ATP2C1: variants seen among roughly 807,000 people sequenced by gnomAD.
The protein encoded by ATP2C1 is calcium-transporting ATPase type 2C member 1.
ATP2C1 carries 31 observed loss-of-function variants against 120.5 expected under a neutral mutation model. The ratio of observed to expected loss-of-function variants is 0.26; its 90% confidence interval spans 0.19 to 0.35. ATP2C1 has a LOEUF of 0.35. Ranked by LOEUF, ATP2C1 falls within the 10% of genes least tolerant of loss-of-function variation. The pLI is 1.00. For missense variants in ATP2C1, 731 were observed against 1,107.5 expected (o/e 0.66, Z 4.83); for synonymous variants, 351 against 358.7 (o/e 0.98, Z 0.24).
chr3:130,871,092 A>G (rs2068414105), intron 1 of ATP2C1, among the ~76,000 whole-genome samples: 1 of 152,216 alleles, frequency 6.6e-6, no homozygotes, highest in Non-Finnish European at 1.5e-5. Flanking sequence ...GTATTTTTTA[A>G]CTAAGGTATA....
downstream of ATP2C1, among the ~76,000 whole-genome samples, chr3:131,003,718 G>A (rs572423411): frequency 6.6e-6 from 1 of 152,176 alleles, no homozygotes; most frequent in South Asian, 2.1e-4. Flanking sequence ...ACAAGAATAA[G>A]ACACATTATT....
At chr3:130,919,863 T>G (rs1576715353) in intron 2 of ATP2C1, among the ~76,000 whole-genome samples, 1 of 152,206 alleles carries the variant, frequency 6.6e-6, no homozygotes, top group Non-Finnish European at 1.5e-5. Context: ...TTTTGTTTTG[T>G]TTTGGTTTTT....
At chr3:130,990,272 A>ACCCCCC (rs71306204) in intron 20 of ATP2C1, among the ~76,000 whole-genome samples, 4 of 102,072 alleles carry the variant, frequency 3.9e-5, no homozygotes, top group Non-Finnish European at 6.1e-5. Flanking sequence ...CTTAAGAGCA[A>ACCCCCC]CCCCCCCCCC....
At chr3:130,881,322 T>C (rs1035634533) in intron 1 of ATP2C1, among the ~76,000 whole-genome samples, 2 of 151,680 alleles carry the variant, frequency 1.3e-5, no homozygotes, top group African/African-American at 2.4e-5. Context: ...TTTTAAGACC[T>C]CCTTTTCTTT....
At chr3:130,895,931 G>A (rs2069591676) in intron 2 of ATP2C1, among the ~76,000 whole-genome samples, 1 of 152,210 alleles carries the variant, frequency 6.6e-6, no homozygotes, top group Admixed American at 6.5e-5. Context: ...TAACTGCAGA[G>A]GAGTTATACT....
intron 10 of ATP2C1, chr3:130,955,876 A>G (rs1241778794): frequency 4.5e-6 from 2 of 449,036 alleles, no homozygotes; most frequent in Non-Finnish European, 8.2e-6. Context: ...TTTTCAAATA[A>G]TAAACAGGTT....
chr3:130,909,975 C>T (rs903516248), intron 2 of ATP2C1, among the ~76,000 whole-genome samples: 5 of 151,942 alleles, frequency 3.3e-5, no homozygotes, highest in Admixed American at 2.0e-4. Flanking sequence ...TAAAGTGCTG[C>T]GATTACGGGC....
intron 2 of ATP2C1, among the ~76,000 whole-genome samples, chr3:130,926,845 G>T (rs187705073): frequency 1.1e-4 from 17 of 152,232 alleles, no homozygotes; most frequent in Admixed American, 3.9e-4. Flanking sequence ...ACACATTTGC[G>T]CCTGGTTTTG....
At chr3:130,851,463 T>G (rs2067673537) in intron 1 of ATP2C1, among the ~76,000 whole-genome samples, 1 of 152,194 alleles carries the variant, frequency 6.6e-6, no homozygotes, top group Non-Finnish European at 1.5e-5. Context: ...ACTGCCATAT[T>G]CAGTCTTTTT....
chr3:130,858,071 G>A (rs1053786629), intron 1 of ATP2C1, among the ~76,000 whole-genome samples: 9 of 152,106 alleles, frequency 5.9e-5, no homozygotes, highest in African/African-American at 1.7e-4. Flanking sequence ...AAAGATGAAG[G>A]CCGGAAGACT....
At chr3:131,014,231 T>A in intron 26 of ATP2C1, 2 of 1,613,938 alleles carry the variant, frequency 1.2e-6, no homozygotes, top group Non-Finnish European at 1.7e-6. Context: ...ATCTACCTTT[T>A]GGTAGGAATA....
intron 18 of ATP2C1, among the ~76,000 whole-genome samples, chr3:130,977,792 C>T (rs1462718186): frequency 6.6e-6 from 1 of 152,150 alleles, no homozygotes; most frequent in South Asian, 2.1e-4. Context: ...GCTCCACTTC[C>T]ATCCTCCCCC....
rs373921733 is a variant in ATP2C1 at position 130,865,317 on chromosome 3, G to GT, written c.108+14390dup. Among the ~76,000 whole-genome samples the GT allele has an allele frequency of 5.2e-4, 79 of 152,302 alleles. No homozygotes were observed. The East Asian group carries it at 0.015, about 29-fold the overall frequency. Reference sequence around the variant, plus strand: ...CCTGTACCTCCATTGTATCTAGGAAGTAACTAGTTTGCTATTGATTTACAG... The same window carrying GT: ...CCTGTACCTCCATTGTATCTAGGAAGTTAACTAGTTTGCTATTGATTTACAG... On this transcript the variant is annotated intron_variant, in intron 1 of 26. Transcript: ENST00000504381.
At chr3:130,941,262 GTGT>G (rs1559951856) in intron 7 of ATP2C1, among the ~76,000 whole-genome samples, 8 of 143,292 alleles carry the variant, frequency 5.6e-5, no homozygotes, top group African/African-American at 2.1e-4. Flanking sequence ...GTGTGTGTGT[GTGT>G]CTGTGTGTGT....
chr3:130,870,458 G>T (rs956748789), intron 1 of ATP2C1, among the ~76,000 whole-genome samples: 3 of 152,192 alleles, frequency 2.0e-5, no homozygotes, highest in African/African-American at 7.2e-5. Flanking sequence ...AAAAACATTT[G>T]TGATTCATGA....
At chr3:130,973,076 C>T (rs2061401046) in intron 17 of ATP2C1, among the ~76,000 whole-genome samples, 1 of 147,706 alleles carries the variant, frequency 6.8e-6, no homozygotes, top group Non-Finnish European at 1.5e-5. Flanking sequence ...AGGTAAAAAT[C>T]AAAACAAATA....
chr3:130,925,023 G>T (rs2059141060), intron 2 of ATP2C1, among the ~76,000 whole-genome samples: 2 of 151,818 alleles, frequency 1.3e-5, no homozygotes, highest in African/African-American at 4.8e-5. Context: ...GCTTTCTCTG[G>T]TGCCTCCTTT....
intron 11 of ATP2C1, among the ~76,000 whole-genome samples, 163 bp from the exon 12 acceptor site, chr3:130,959,107 GTTAAC>G (rs2060705154): frequency 6.6e-6 from 1 of 152,116 alleles, no homozygotes; most frequent in Non-Finnish European, 1.5e-5. Flanking sequence ...ATTAAGCAGT[GTTAAC>G]TTTAACCTCC....
At chr3:130,872,885 A>T (rs2068481419) in intron 1 of ATP2C1, among the ~76,000 whole-genome samples, 1 of 152,126 alleles carries the variant, frequency 6.6e-6, no homozygotes, top group African/African-American at 2.4e-5. Context: ...GCCCAGCTTG[A>T]GCAGTACTTT....
Sources: allele counts gnomAD v4.1 joint callset (sites outside exome capture counted in the v4.1 genomes callset), GRCh38; gene constraint gnomAD v4.1.1; transcripts MANE v1.5; gene names NCBI Gene and HGNC (gene_info 2026-07-23, HGNC 2026-07-21).